The following PCMT1 variants were observed in gnomAD, a reference collection of about 807,000 sequenced individuals.
PCMT1 encodes the protein protein-L-isoaspartate (D-aspartate) O-methyltransferase, also known as protein-L-isoaspartate(D-aspartate) O-methyltransferase.
A neutral mutation model predicts 29.2 loss-of-function variants in PCMT1; 9 were observed. That is an observed-to-expected ratio of 0.31 (90% CI 0.19 to 0.54). The LOEUF is 0.54. Among genes scored for constraint, PCMT1 ranks in the 20% least tolerant of loss-of-function variants. The pLI is 0.95. For synonymous variants in PCMT1, 98 were observed against 97.5 expected, an observed-to-expected ratio of 1.00 and a Z score of -0.03; for missense variants, 184 against 282.2, an observed-to-expected ratio of 0.65 and a Z score of 2.49.
intron 5 of PCMT1, 103 bp downstream of exon 5, chr6:149,793,772 T>A: frequency 9.7e-7 from 1 of 1,029,972 alleles, no homozygotes. Flanking sequence ...TATTTTTTTT[T>A]ACAATCACTT....
Position 149,749,762 on chromosome 6 carries a change from A to T in PCMT1, c.-140A>T. 1 of 1,546,898 alleles carries T rather than the reference A, an allele frequency of 6.5e-7. No homozygotes were observed. Among genetic ancestry groups the T allele is most frequent in the Non-Finnish European group, 8.7e-7 (1 of 1,144,960 alleles). ...GCGCGCAGTGGCGGCAGCGGCGGCG[A>T]CGGCAGTAACAGCGGCAGCTACAGC... is the stretch of plus-strand genomic sequence containing the variant. On this transcript the variant is annotated 5_prime_UTR_variant, in exon 1 of 8. Coordinates refer to ENST00000464889, the MANE Select transcript of PCMT1 (RefSeq NM_001360452.2).
chr6:149,752,640 A>G (rs1786368975), intron 1 of PCMT1, among the ~76,000 whole-genome samples: 1 of 152,216 alleles, frequency 6.6e-6, no homozygotes, highest in Admixed American at 6.5e-5. Flanking sequence ...AATATGTTGT[A>G]AATATTTTTT....
rs771975439 is a variant in PCMT1 at position 149,802,249 on chromosome 6, C to T, written c.554C>T (p.Pro185Leu). The T allele has an allele frequency of 1.9e-6, 3 of 1,612,876 alleles. No individual in the cohort carries two copies. The highest frequency in any genetic ancestry group is 2.5e-6 in the Non-Finnish European group (3 of 1,179,356). ...GGAAGATTGATATTGCCTGTTGGTC[C>T]TGCAGGCGGAAACCAAATGTTGGAG... is the stretch of plus-strand genomic sequence containing the variant. The part of the protein sequence containing the change: ...PGGRLILPVG[P>L]AGGNQMLEQY... Residue 185 changes from proline to leucine, a missense_variant, in exon 7 of 8, where the codon CCT becomes CTT. Physicochemically the swap from Pro to Leu is moderately conservative, Grantham distance 98 (BLOSUM62 -3). Transcript: ENST00000464889.
intron 3 of PCMT1, among the ~76,000 whole-genome samples, chr6:149,775,133 C>T (rs1297696359): frequency 2.0e-5 from 3 of 152,190 alleles, no homozygotes; most frequent in African/African-American, 7.2e-5. Context: ...GCATGAGCCA[C>T]TGGGCCTGGC....
chr6:149,751,732 G>C (rs1471459991), intron 1 of PCMT1, among the ~76,000 whole-genome samples: 1 of 151,904 alleles, frequency 6.6e-6, no homozygotes, highest in Non-Finnish European at 1.5e-5. Flanking sequence ...TGCCCACCTC[G>C]GCCTCCCAAA....
At chr6:149,803,178 C>T (rs1365221228) in intron 7 of PCMT1, among the ~76,000 whole-genome samples, 2 of 151,562 alleles carry the variant, frequency 1.3e-5, no homozygotes, top group East Asian at 1.9e-4. Context: ...TGTCAGAATA[C>T]CAGAGAGGAC....
At chr6:149,760,431 A>G (rs185386410) in intron 1 of PCMT1, among the ~76,000 whole-genome samples, 3 of 152,274 alleles carry the variant, frequency 2.0e-5, no homozygotes, top group African/African-American at 7.2e-5. Flanking sequence ...CTGAAGACCT[A>G]GACTCCTCTC....
chr6:149,788,244 C>A (rs1037450061), intron 3 of PCMT1, among the ~76,000 whole-genome samples: 12 of 152,128 alleles, frequency 7.9e-5, no homozygotes, highest in Admixed American at 7.9e-4. Context: ...TAAGGACATT[C>A]TCTTACATAC....
chr6:149,769,890 C>T (rs1054495107), intron 1 of PCMT1, among the ~76,000 whole-genome samples: 4 of 150,240 alleles, frequency 2.7e-5, no homozygotes, highest in African/African-American at 9.8e-5. Context: ...GGCCGCTGCA[C>T]CTGGCCTTAA....
At chr6:149,785,226 T>C (rs1787974097) in intron 3 of PCMT1, among the ~76,000 whole-genome samples, 1 of 112,444 alleles carries the variant, frequency 8.9e-6, no homozygotes, top group African/African-American at 5.0e-5. Context: ...TGTTGCATCA[T>C]ATCAGGAGGT....
At chr6:149,789,104 C>T (rs914301773) in intron 3 of PCMT1, among the ~76,000 whole-genome samples, 2 of 130,530 alleles carry the variant, frequency 1.5e-5, no homozygotes, top group Non-Finnish European at 3.1e-5. Flanking sequence ...GATGGAGTCT[C>T]GCTCTGTTAC....
intron 1 of PCMT1, among the ~76,000 whole-genome samples, chr6:149,769,308 C>CTTTTTGTTTTTTTTTTTTTTTT (rs1787214853): frequency 2.8e-5 from 2 of 71,562 alleles, no homozygotes; most frequent in Admixed American, 1.9e-4. Context: ...GTGCAGGATT[C>CTTTTTGTTTTTTTTTTTTTTTT]TTTTTTTTTT....
At chr6:149,790,570 A>T (rs1231821203) in intron 4 of PCMT1, among the ~76,000 whole-genome samples, 2 of 144,402 alleles carry the variant, frequency 1.4e-5, no homozygotes, top group African/African-American at 5.2e-5. Context: ...TTTGGTCCAC[A>T]GTTGGTATTT....
intron 1 of PCMT1, among the ~76,000 whole-genome samples, chr6:149,754,071 A>C (rs900704510): frequency 2.0e-5 from 3 of 152,222 alleles, no homozygotes; most frequent in Non-Finnish European, 4.4e-5. Flanking sequence ...TATGCTTTAG[A>C]ATAATGTTTT....
chr6:149,777,214 C>G (rs576954832), intron 3 of PCMT1, among the ~76,000 whole-genome samples: 4 of 152,130 alleles, frequency 2.6e-5, no homozygotes, highest in South Asian at 4.1e-4. Context: ...AGAACACTTA[C>G]GTTAGCCTAC....
At chr6:149,781,891 C>T (rs1787832317) in intron 3 of PCMT1, among the ~76,000 whole-genome samples, 1 of 152,168 alleles carries the variant, frequency 6.6e-6, no homozygotes, top group South Asian at 2.1e-4. Flanking sequence ...ATAACAATTT[C>T]CCACTTTTCT....
In PCMT1 at chr6:149,793,688, T is replaced by A; in HGVS notation, c.418+19T>A. Reference sequence around the variant, plus strand: ...CTTGTTGGTAAGTATCAGAAAACTTTAAAAATTTCTTCAGAGGATTTTTAT... The same window carrying A: ...CTTGTTGGTAAGTATCAGAAAACTTAAAAAATTTCTTCAGAGGATTTTTAT... On this transcript the variant is annotated intron_variant, in intron 5 of 7. Coordinates refer to ENST00000464889, the MANE Select transcript of PCMT1 (RefSeq NM_001360452.2). 1.3e-6 allele frequency: 2 copies of A among 1,524,882 alleles called. No individual in the cohort carries two copies. Among genetic ancestry groups the A allele is most frequent in the Non-Finnish European group, 1.7e-6 (2 of 1,148,342 alleles). 94.5% of individuals were successfully genotyped at this position (1,524,882 alleles called of 1,614,324 possible).
At chr6:149,789,068 T>G (rs75757602) in intron 3 of PCMT1, among the ~76,000 whole-genome samples, 502 of 42,454 alleles carry the variant, frequency 0.012, 4 homozygotes, top group African/African-American at 0.092. Context: ...TGGATCTGAT[T>G]TTTTTTTTTT....
chr6:149,796,635 T>C (rs2115327102), intron 6 of PCMT1, 135 bp downstream of exon 6: 1 of 579,548 alleles, frequency 1.7e-6, no homozygotes, highest in Non-Finnish European at 3.0e-6. Flanking sequence ...CATTTAGCTG[T>C]TACTCTTTTC....
Sources: allele counts gnomAD v4.1 joint callset (sites outside exome capture counted in the v4.1 genomes callset), GRCh38; gene constraint gnomAD v4.1.1; transcripts MANE v1.5; gene names NCBI Gene and HGNC (gene_info 2026-07-23, HGNC 2026-07-21).